The following ELMO1 variants were observed in gnomAD, a reference collection of about 807,000 sequenced individuals.
The protein encoded by ELMO1 is engulfment and cell motility 1.
ELMO1 carries 26 observed loss-of-function variants against 98.9 expected under a neutral mutation model. That is an observed-to-expected ratio of 0.26 (90% CI 0.19 to 0.36). The LOEUF (loss-of-function observed/expected upper bound fraction) is 0.36, where lower values mean the gene tolerates loss of function less well. Ranked by LOEUF, ELMO1 falls within the 10% of genes least tolerant of loss-of-function variation. The pLI is 1.00. For synonymous variants in ELMO1, 346 were observed against 346.0 expected, an observed-to-expected ratio of 1.00 and a Z score of 0.00; for missense variants, 627 against 935.2, an observed-to-expected ratio of 0.67 and a Z score of 4.30.
intron 1 of ELMO1, among the ~76,000 whole-genome samples, chr7:37,441,544 CT>C: frequency 6.6e-6 from 1 of 152,308 alleles, no homozygotes; most frequent in East Asian, 1.9e-4. Flanking sequence ...ACTGAACTCA[CT>C]TAACTCATTC....
chr7:37,421,108 G>A (rs1358631332), intron 1 of ELMO1, among the ~76,000 whole-genome samples: 1 of 152,186 alleles, frequency 6.6e-6, no homozygotes, highest in African/African-American at 2.4e-5. Context: ...TGAGGAGATG[G>A]AGCAAGTGGC....
At chr7:37,065,281 T>TCTCA (rs1796896156) in intron 15 of ELMO1, among the ~76,000 whole-genome samples, 1 of 151,894 alleles carries the variant, frequency 6.6e-6, no homozygotes, top group Non-Finnish European at 1.5e-5. Context: ...CTCAAGTAGC[T>TCTCA]GGGATTATAG....
At chr7:37,437,979 C>CAAAAAAAAAAAAAAAAAAAA (rs57418239) in intron 1 of ELMO1, among the ~76,000 whole-genome samples, 3 of 18,054 alleles carry the variant, frequency 1.7e-4, no homozygotes, top group African/African-American at 3.6e-4. Flanking sequence ...GACTCCGTCT[C>CAAAAAAAAAAAAAAAAAAAA]AAAAAAAAAA....
intron 1 of ELMO1, among the ~76,000 whole-genome samples, chr7:37,390,753 C>A (rs185968443): frequency 7.2e-5 from 11 of 152,288 alleles, no homozygotes; most frequent in Non-Finnish European, 1.5e-4. Flanking sequence ...GCTTACCACC[C>A]CCCAGCCCCC....
At chr7:36,935,903 G>C (rs527259685) in intron 16 of ELMO1, among the ~76,000 whole-genome samples, 1 of 152,114 alleles carries the variant, frequency 6.6e-6, no homozygotes, top group Non-Finnish European at 1.5e-5. Context: ...AGAAGTGAGC[G>C]ACTCCCTAAA....
intron 16 of ELMO1, among the ~76,000 whole-genome samples, chr7:36,913,340 T>C (rs1282201948): frequency 2.0e-5 from 3 of 152,124 alleles, no homozygotes; most frequent in African/African-American, 7.2e-5. Flanking sequence ...CAAGGTTAGA[T>C]GGGGGAATAG....
At chr7:36,873,721 C>G (rs567690938) in intron 19 of ELMO1, among the ~76,000 whole-genome samples, 17 of 152,296 alleles carry the variant, frequency 1.1e-4, no homozygotes, top group African/African-American at 4.1e-4. Flanking sequence ...GAGCACAGCC[C>G]CAAATGTGGT....
At chr7:37,421,787 A>G (rs1804483567) in intron 1 of ELMO1, among the ~76,000 whole-genome samples, 1 of 152,240 alleles carries the variant, frequency 6.6e-6, no homozygotes, top group Admixed American at 6.5e-5. Context: ...ACAGCCATGC[A>G]TTATAGACTT....
chr7:37,299,483 A>G lies in ELMO1; in HGVS notation c.192+15367T>C, dbSNP rs541091739. Among the ~76,000 whole-genome samples, 147 of 100,628 alleles carry G rather than the reference A, an allele frequency of 1.5e-3. 1 individual carries two copies. Among genetic ancestry groups the G allele is most frequent in the African/African-American group, 5.2e-3 (144 of 27,958 alleles). The allele number at this position is 100,628 out of a possible 152,430, so 66.0% of individuals were successfully genotyped here. On this transcript the variant is annotated intron_variant, in intron 4 of 21. Coordinates refer to ENST00000310758, the MANE Select transcript of ELMO1 (RefSeq NM_014800.11). Reference sequence around the variant, plus strand: ...GGAAGGGATCCAGTTTCAGCTTTCTACATATGGCTAGCCAGTTTTCCCAGC... The same window carrying G: ...GGAAGGGATCCAGTTTCAGCTTTCTGCATATGGCTAGCCAGTTTTCCCAGC...
In ELMO1 at chr7:37,179,537, A is replaced by T. The variant is rs938292853; in HGVS notation, c.1086+31849T>A. ...TGTGATCCGCCTGCCTCGGCCTCCC[A>T]AAGTGCTGGGATTACAGGCGTGAGC... On this transcript the variant is annotated intron_variant, in intron 13 of 21. Transcript: ENST00000310758. Among the ~76,000 whole-genome samples the T allele has an allele frequency of 1.1e-4, 17 of 152,134 alleles. 1 individual carries two copies. Among genetic ancestry groups the T allele is most frequent in the Non-Finnish European group, 1.5e-5 (1 of 68,008 alleles).
chr7:37,394,739 G>C (rs994073451), intron 1 of ELMO1, among the ~76,000 whole-genome samples: 2 of 152,150 alleles, frequency 1.3e-5, no homozygotes, highest in African/African-American at 4.8e-5. Context: ...GTTATCAGGA[G>C]GGCCTGGGGG....
At chr7:37,327,217 G>A (rs753929055) in intron 2 of ELMO1, among the ~76,000 whole-genome samples, 1 of 152,220 alleles carries the variant, frequency 6.6e-6, no homozygotes, top group Non-Finnish European at 1.5e-5. Flanking sequence ...GGAAATGAAT[G>A]ATTCACAGGG....
intron 1 of ELMO1, among the ~76,000 whole-genome samples, chr7:37,438,614 T>C (rs1805261322): frequency 6.6e-6 from 1 of 151,042 alleles, no homozygotes; most frequent in African/African-American, 2.4e-5. Flanking sequence ...AAAAAAACAC[T>C]ACTGAATCAG....
intron 7 of ELMO1, among the ~76,000 whole-genome samples, chr7:37,236,739 C>A (rs544847034): frequency 1.5e-4 from 23 of 152,238 alleles, no homozygotes; most frequent in African/African-American, 5.5e-4. Context: ...AAAGGATGGC[C>A]ATGCTAAAAT....
intron 15 of ELMO1, among the ~76,000 whole-genome samples, chr7:37,087,466 T>A (rs758804777): frequency 1.3e-5 from 2 of 152,098 alleles, no homozygotes; most frequent in Non-Finnish European, 1.5e-5. Flanking sequence ...TAAGAGTGTG[T>A]CCTAGTCCAT....
chr7:37,144,341 T>C (rs563089645), intron 13 of ELMO1, among the ~76,000 whole-genome samples: 92 of 152,272 alleles, frequency 6.0e-4, no homozygotes, highest in South Asian at 1.9e-3. Context: ...ACCACAAATT[T>C]TAATAACAAG....
chr7:37,085,116 G>A (rs1783691427), intron 15 of ELMO1, among the ~76,000 whole-genome samples: 1 of 152,068 alleles, frequency 6.6e-6, no homozygotes, highest in Non-Finnish European at 1.5e-5. Context: ...GACCTGATTG[G>A]CATCCACCTT....
chr7:37,420,634 C>A (rs1286220451), intron 1 of ELMO1, among the ~76,000 whole-genome samples: 1 of 152,208 alleles, frequency 6.6e-6, no homozygotes, highest in Non-Finnish European at 1.5e-5. Flanking sequence ...TGGCTAGACA[C>A]TGATGCCCCG....
At chr7:37,200,243 A>AATTTT (rs1174217253) in intron 13 of ELMO1, among the ~76,000 whole-genome samples, 7 of 41,620 alleles carry the variant, frequency 1.7e-4, no homozygotes, top group African/African-American at 6.8e-4. Context: ...CAAGCTAATT[A>AATTTT]ATTTTTTTTT....
Sources: allele counts gnomAD v4.1 joint callset (sites outside exome capture counted in the v4.1 genomes callset), GRCh38; gene constraint gnomAD v4.1.1; transcripts MANE v1.5; gene names NCBI Gene and HGNC (gene_info 2026-07-23, HGNC 2026-07-21).